SASH1: variants seen among roughly 807,000 people sequenced by gnomAD.
SASH1 encodes the protein SAM and SH3 domain containing 1.
Under a neutral mutation model 125.2 loss-of-function variants are expected in SASH1, and 44 were observed. That is an observed-to-expected ratio of 0.35 (90% confidence interval 0.28 to 0.45). SASH1 has a LOEUF of 0.45. SASH1 is among the 20% of genes least tolerant of loss of function. The pLI, the probability that SASH1 is intolerant of heterozygous loss-of-function variation, is 1.00. For missense variants in SASH1, 1,426 were observed against 1,614.5 expected (o/e 0.88, Z 2.00); for synonymous variants, 639 against 649.1 (o/e 0.98, Z 0.24).
intron 10 of SASH1, among the ~76,000 whole-genome samples, chr6:148,522,404 C>T (rs1250555809): frequency 6.6e-6 from 1 of 152,118 alleles, no homozygotes; most frequent in African/African-American, 2.4e-5. Context: ...AGGTTATTTT[C>T]CATTCTCCTT....
intron 1 of SASH1, among the ~76,000 whole-genome samples, chr6:148,373,162 G>T (rs1383476149): frequency 2.0e-5 from 3 of 152,126 alleles, no homozygotes; most frequent in African/African-American, 7.2e-5. Flanking sequence ...TTGCACTCCA[G>T]CCTGGGCAAC....
chr6:148,421,149 G>GGAAGGAAGGAAGGAAGGAAGGAAGA (rs1562396374), intron 2 of SASH1, among the ~76,000 whole-genome samples: 33 of 67,378 alleles, frequency 4.9e-4, no homozygotes, highest in Non-Finnish European at 8.6e-4. Context: ...AAGGAAGGAA[G>GGAAGGAAGGAAGGAAGGAAGGAAGA]AAAGAAAGAA....
At chr6:148,400,315 G>A (rs1172750007) in intron 2 of SASH1, among the ~76,000 whole-genome samples, 1 of 152,258 alleles carries the variant, frequency 6.6e-6, no homozygotes, top group Non-Finnish European at 1.5e-5. Context: ...CAGCCTGGTA[G>A]TCAGCTGAGG....
intron 4 of SASH1, among the ~76,000 whole-genome samples, chr6:148,450,448 G>A (rs1000985028): frequency 6.6e-6 from 1 of 151,930 alleles, no homozygotes; most frequent in Non-Finnish European, 1.5e-5. Context: ...TTCATGCATT[G>A]GAAGCATTTC....
chr6:148,362,596 A>G (rs1192113854), intron 1 of SASH1, among the ~76,000 whole-genome samples: 1 of 150,176 alleles, frequency 6.7e-6, no homozygotes, highest in Non-Finnish European at 1.5e-5. Context: ...GTGTGGTCGT[A>G]TGAGGAAACG....
intron 1 of SASH1, among the ~76,000 whole-genome samples, chr6:148,379,387 G>A (rs931824847): frequency 2.5e-4 from 38 of 151,926 alleles, no homozygotes; most frequent in African/African-American, 6.8e-4. Flanking sequence ...TCAGATCTTC[G>A]TTTGTTATTG....
chr6:148,212,063 C>T, the SASH1 span, among the ~76,000 whole-genome samples: 6 of 152,094 alleles, frequency 3.9e-5, no homozygotes, highest in East Asian at 3.9e-4. Context: ...AACCAACCAG[C>T]GTCACTGGGA....
chr6:148,455,392 G>A (rs1479993430), intron 4 of SASH1, among the ~76,000 whole-genome samples: 1 of 152,178 alleles, frequency 6.6e-6, no homozygotes, highest in African/African-American at 2.4e-5. Context: ...CAGCTGATGT[G>A]GGTAGAGGTC....
intron 1 of SASH1, among the ~76,000 whole-genome samples, chr6:148,281,594 T>C (rs1779342368): frequency 6.6e-6 from 1 of 152,016 alleles, no homozygotes; most frequent in Admixed American, 6.6e-5. Context: ...AGCAGAATAA[T>C]GGACAGGGAC....
chr6:148,361,990 T>A (rs1322489530), intron 1 of SASH1, among the ~76,000 whole-genome samples: 2 of 146,922 alleles, frequency 1.4e-5, no homozygotes, highest in Admixed American at 7.0e-5. Context: ...CTCGGCTCAC[T>A]GCAAGCTCCG....
intron 1 of SASH1, among the ~76,000 whole-genome samples, chr6:148,375,617 A>C (rs992992689): frequency 2.0e-5 from 3 of 152,222 alleles, no homozygotes; most frequent in Non-Finnish European, 4.4e-5. Flanking sequence ...TAGTTAGGAA[A>C]TAACTTTTCT....
At chr6:148,430,538 G>T (rs529483142) in intron 2 of SASH1, among the ~76,000 whole-genome samples, 1 of 152,218 alleles carries the variant, frequency 6.6e-6, no homozygotes, top group African/African-American at 2.4e-5. Flanking sequence ...CACCCTGTTG[G>T]CCAGGCTGGT....
intron 1 of SASH1, among the ~76,000 whole-genome samples, chr6:148,348,750 T>A (rs1366590258): frequency 6.6e-6 from 1 of 152,242 alleles, no homozygotes; most frequent in Non-Finnish European, 1.5e-5. Flanking sequence ...CTTTCACACA[T>A]CTTCTTCAGA....
intron 6 of SASH1, among the ~76,000 whole-genome samples, chr6:148,473,213 A>C (rs1030362392): frequency 6.6e-6 from 1 of 152,064 alleles, no homozygotes; most frequent in African/African-American, 2.4e-5. Context: ...TTAACTCAAC[A>C]TGCTTCATGT....
chr6:148,352,642 T>TAAATAAATAAAG (rs1256499736), intron 1 of SASH1, among the ~76,000 whole-genome samples: 4 of 150,882 alleles, frequency 2.7e-5, no homozygotes, highest in Non-Finnish European at 5.9e-5. Flanking sequence ...AATAAATAAA[T>TAAATAAATAAAG]AGAACTGTGC....
chr6:148,236,874 A>G, the SASH1 span, among the ~76,000 whole-genome samples: 1 of 152,170 alleles, frequency 6.6e-6, no homozygotes, highest in South Asian at 2.1e-4. Context: ...TGTTTAGATC[A>G]CGAGGGTTCC....
At chr6:148,528,247 G>A (rs1223730041) in intron 12 of SASH1, among the ~76,000 whole-genome samples, 1 of 152,148 alleles carries the variant, frequency 6.6e-6, no homozygotes, top group African/African-American at 2.4e-5. Flanking sequence ...GGTGGAGGGA[G>A]TAAAGATAGT....
intron 1 of SASH1, among the ~76,000 whole-genome samples, chr6:148,376,607 A>G (rs1782904468): frequency 6.6e-6 from 1 of 152,112 alleles, no homozygotes; most frequent in South Asian, 2.1e-4. Flanking sequence ...CATGCCTGTA[A>G]TCCTAGCACT....
chr6:148,288,015 G>A (rs1350798059), intron 1 of SASH1, among the ~76,000 whole-genome samples: 1 of 152,150 alleles, frequency 6.6e-6, no homozygotes, highest in African/African-American at 2.4e-5. Context: ...GTGGGCTTTC[G>A]TTCTCACCAA....
Sources: gnomAD v4.1 joint callset for allele counts (sites outside exome capture counted in the v4.1 genomes callset) on GRCh38, gnomAD v4.1.1 for gene constraint, MANE v1.5 for transcripts, NCBI Gene and HGNC (gene_info 2026-07-23, HGNC 2026-07-21) for gene names.